DYNC2H1: variants seen among roughly 807,000 people sequenced by gnomAD.
DYNC2H1 encodes the protein dynein cytoplasmic 2 heavy chain 1.
In DYNC2H1, 410 loss-of-function variants were observed where a neutral mutation model predicts 570.0. That is an observed-to-expected ratio of 0.72 (90% CI 0.66 to 0.78). The LOEUF (loss-of-function observed/expected upper bound fraction) is 0.78. DYNC2H1 is among the 30% of genes least tolerant of loss of function. The pLI is 0.00. For missense variants in DYNC2H1, 4,865 were observed against 5,046.4 expected, an observed-to-expected ratio of 0.96 and a Z score of 1.09; for synonymous variants, 1,688 against 1,677.6, an observed-to-expected ratio of 1.01 and a Z score of -0.15.
intron 30 of DYNC2H1, among the ~76,000 whole-genome samples, chr11:103,165,568 C>T (rs1409458706): frequency 6.6e-6 from 1 of 152,118 alleles, no homozygotes; most frequent in Non-Finnish European, 1.5e-5. Flanking sequence ...TTGTAGTTTA[C>T]TGGTTGAAAA....
rs181963253 is a variant in DYNC2H1 at position 103,173,071 on chromosome 11, T to G, written c.5335-11T>G. On this transcript the variant is annotated splice_polypyrimidine_tract_variant and intron_variant, in intron 34 of 88. Transcript: ENST00000375735. ...TAATATTTAAATTAATATTTTTAAT[T>G]AATATTTCAGGTAGAAGTAAATTCT... The G allele has an allele frequency of 5.2e-4, 628 of 1,209,506 alleles. No homozygotes were observed. Among genetic ancestry groups the G allele is most frequent in the Non-Finnish European group, 6.5e-4 (607 of 937,112 alleles). The allele number at this position is 1,209,506 out of a possible 1,614,324, so 74.9% of individuals were successfully genotyped here.
At chr11:103,302,349 G>T (rs971629913) in intron 75 of DYNC2H1, among the ~76,000 whole-genome samples, 7 of 151,960 alleles carry the variant, frequency 4.6e-5, no homozygotes, top group African/African-American at 1.7e-4. Flanking sequence ...TATTCAGTAG[G>T]TGATGAATAA....
intron 35 of DYNC2H1, among the ~76,000 whole-genome samples, chr11:103,173,755 T>C (rs905825791): frequency 1.3e-5 from 2 of 152,096 alleles, no homozygotes; most frequent in Non-Finnish European, 2.9e-5. Context: ...TGTCAGAGAT[T>C]GAGAGCAAGA....
In DYNC2H1 at chr11:103,114,189, A is replaced by T. The variant is rs1431183437; in HGVS notation, c.453A>T (p.Arg151Ser). ...LEAGLGIVLR[R>S]SDTNLTKLKF... ...CTGGGTTGGGTATAGTTCTACGAAG[A>T]TCAGACACTAACTTAACAAAATTGA... Residue 151 changes from arginine to serine, a missense_variant, in exon 3 of 89, where the codon AGA (arginine) becomes AGT (serine). Physicochemically the swap from Arg to Ser is moderately radical, Grantham distance 110. Coordinates refer to ENST00000375735, the MANE Select transcript of DYNC2H1 (RefSeq NM_001377.3). 1.9e-6 allele frequency: 3 copies of T among 1,602,780 alleles called. No individual in the cohort carries two copies. The South Asian group carries it at 3.4e-5, about 18-fold the overall frequency.
chr11:103,386,068 G>C (rs562630872), intron 83 of DYNC2H1, among the ~76,000 whole-genome samples: 117 of 152,300 alleles, frequency 7.7e-4, no homozygotes, highest in Middle Eastern at 6.8e-3. Flanking sequence ...TCAACACTTA[G>C]CTTTCTGAAT....
chr11:103,393,853 A>C (rs571548263), intron 83 of DYNC2H1, among the ~76,000 whole-genome samples: 1 of 152,226 alleles, frequency 6.6e-6, no homozygotes, highest in Non-Finnish European at 1.5e-5. Context: ...GGATGCGGGC[A>C]GGCAAAGAGA....
intron 55 of DYNC2H1, among the ~76,000 whole-genome samples, chr11:103,216,842 C>T (rs1369753801): frequency 2.6e-5 from 4 of 151,922 alleles, no homozygotes; most frequent in Non-Finnish European, 4.4e-5. Flanking sequence ...GGAAGTCTCT[C>T]GGGCATTACA....
At chr11:103,333,886 A>G (rs977770520) in intron 82 of DYNC2H1, among the ~76,000 whole-genome samples, 5 of 152,154 alleles carry the variant, frequency 3.3e-5, no homozygotes, top group Admixed American at 6.5e-5. Context: ...AACATCTGTA[A>G]TAAGTTCAAC....
chr11:103,450,480 C>T (rs1448081820), intron 85 of DYNC2H1, among the ~76,000 whole-genome samples: 8 of 152,158 alleles, frequency 5.3e-5, no homozygotes, highest in African/African-American at 1.9e-4. Context: ...TCAAACCACA[C>T]AAAGTATGCT....
intron 83 of DYNC2H1, among the ~76,000 whole-genome samples, chr11:103,373,067 C>G (rs1198253221): frequency 1.3e-5 from 2 of 152,176 alleles, no homozygotes; most frequent in South Asian, 2.1e-4. Flanking sequence ...CCTCAGCCCC[C>G]CAAGTAGCTG....
At chr11:103,462,756 T>A (rs1191615725) in intron 87 of DYNC2H1, among the ~76,000 whole-genome samples, 1 of 152,206 alleles carries the variant, frequency 6.6e-6, no homozygotes, top group Non-Finnish European at 1.5e-5. Flanking sequence ...GCTTCTTGTA[T>A]ATCTAATGTT....
chr11:103,199,473 A>G lies in DYNC2H1; in HGVS notation c.8085A>G (p.Lys2695=). 6.4e-7 allele frequency: 1 copy of G among 1,571,286 alleles called. No individual in the cohort carries two copies. Among genetic ancestry groups the G allele is most frequent in the South Asian group, 1.2e-5 (1 of 81,728 alleles). ...TGAAGCAGTTCAAAAATGATCTCAA[A>G]CATGTGAGTTGCCCACTCTCTTTTG... ...YELKQFKNDL[K]HVLQLAGIEA... Residue 2695 remains lysine, a synonymous_variant, in exon 49 of 89, where the codon AAA becomes AAG. Coordinates refer to ENST00000375735, the MANE Select transcript of DYNC2H1 (RefSeq NM_001377.3). This position sits in a 1 kb window ranked among gnomAD's most constrained non-coding sequence, Gnocchi z 4.6.
At chr11:103,258,582 C>G (rs569296816) in intron 69 of DYNC2H1, among the ~76,000 whole-genome samples, 4 of 152,280 alleles carry the variant, frequency 2.6e-5, no homozygotes, top group African/African-American at 7.2e-5. Flanking sequence ...GTTGGGAGGA[C>G]TTGACGACAG....
chr11:103,306,502 C>G (rs1407296855), intron 77 of DYNC2H1, among the ~76,000 whole-genome samples: 1 of 152,036 alleles, frequency 6.6e-6, no homozygotes, highest in African/African-American at 2.4e-5. Context: ...CCAACTATAT[C>G]ACAATGTATT....
intron 84 of DYNC2H1, among the ~76,000 whole-genome samples, chr11:103,429,628 A>G (rs1943816562): frequency 6.6e-6 from 1 of 152,172 alleles, no homozygotes; most frequent in Non-Finnish European, 1.5e-5. Context: ...TTATTGTTAA[A>G]TTGTTTCGCT....
Position 103,268,036 on chromosome 11 carries a change from A to G in DYNC2H1, c.10695+8059A>G, listed in dbSNP as rs1431702653. 6.6e-6 allele frequency among the ~76,000 whole-genome samples: 1 copy of G among 151,998 alleles called. No homozygotes were observed. The highest frequency in any genetic ancestry group is 1.5e-5 in the Non-Finnish European group (1 of 67,922). On this transcript the variant is annotated intron_variant, in intron 70 of 88. Transcript: ENST00000375735. This position sits in a 1 kb window ranked among gnomAD's most constrained non-coding sequence, Gnocchi z 4.6. The stretch of plus-strand genomic sequence containing the variant: ...ACATTTTTTGTTCTTATACATGACT[A>G]TAGTGAATATCCTATATGGTACACT...
chr11:103,168,972 G>T lies in DYNC2H1; in HGVS notation c.4968+12G>T, dbSNP rs1861454727. 2 of 1,569,292 alleles carry T rather than the reference G, an allele frequency of 1.3e-6. No individual in the cohort carries two copies. Among genetic ancestry groups the T allele is most frequent in the African/African-American group, 2.8e-5 (2 of 72,626 alleles). ...CTTATGAATATCAGGTATGAGTTGT[G>T]GCAGTGTTTTATATTTCCAATTAGA... is the stretch of plus-strand genomic sequence containing the variant. On this transcript the variant is annotated intron_variant, in intron 32 of 88. Transcript: ENST00000375735.
intron 35 of DYNC2H1, 21 bp from the exon 36 acceptor site, chr11:103,174,033 GA>G (rs1284746303): frequency 1.3e-6 from 2 of 1,523,546 alleles, no homozygotes; most frequent in South Asian, 2.4e-5. Flanking sequence ...TTGATGTGTT[GA>G]TTTCCATGTC....
At chr11:103,455,809 C>G (rs1286159639) in intron 86 of DYNC2H1, among the ~76,000 whole-genome samples, 1 of 152,054 alleles carries the variant, frequency 6.6e-6, no homozygotes, top group African/African-American at 2.4e-5. Flanking sequence ...TTTCTTACCA[C>G]ACTCAGATTA....
Sources: gnomAD v4.1 joint callset for allele counts (sites outside exome capture counted in the v4.1 genomes callset) on GRCh38, gnomAD v4.1.1 for gene constraint, Gnocchi (gnomAD v3.1) non-coding constraint, MANE v1.5 for transcripts, NCBI Gene and HGNC (gene_info 2026-07-23, HGNC 2026-07-21) for gene names.